The following MAPK10 variants were observed in gnomAD, a reference collection of about 807,000 sequenced individuals.
The protein encoded by MAPK10 is JNK3 alpha protein kinase.
Under a neutral mutation model 59.3 loss-of-function variants are expected in MAPK10, and 25 were observed. The ratio of observed to expected loss-of-function variants is 0.42; its 90% CI spans 0.31 to 0.59. The LOEUF is 0.59. Ranked by LOEUF, MAPK10 falls within the 20% of genes least tolerant of loss-of-function variation. The probability of loss-of-function intolerance (pLI) is 0.15; values close to 1 mark genes in which losing one functional copy is unlikely to be tolerated. For missense variants in MAPK10, 351 were observed against 568.9 expected, an observed-to-expected ratio of 0.62 and a Z score of 3.90; for synonymous variants, 190 against 200.5, an observed-to-expected ratio of 0.95 and a Z score of 0.44.
At chr4:86,030,171 T>G (rs527765731) in intron 12 of MAPK10, among the ~76,000 whole-genome samples, 5 of 152,144 alleles carry the variant, frequency 3.3e-5, no homozygotes, top group Non-Finnish European at 7.4e-5. Flanking sequence ...CTTACTTGGA[T>G]CAAAGCAACT....
chr4:86,219,500 T>C (rs910027991), intron 2 of MAPK10, among the ~76,000 whole-genome samples: 1 of 152,194 alleles, frequency 6.6e-6, no homozygotes, highest in Non-Finnish European at 1.5e-5. Flanking sequence ...ACAATGTCAA[T>C]GTTTTCTTAA....
intron 2 of MAPK10, among the ~76,000 whole-genome samples, chr4:86,307,281 A>G (rs1209284633): frequency 1.3e-5 from 2 of 152,144 alleles, no homozygotes; most frequent in Non-Finnish European, 2.9e-5. Context: ...TAATATGCTA[A>G]AGGCAGATCT....
intron 3 of MAPK10, among the ~76,000 whole-genome samples, chr4:86,187,788 C>CT (rs34369854): frequency 6.6e-6 from 1 of 152,060 alleles, no homozygotes; most frequent in Non-Finnish European, 1.5e-5. Flanking sequence ...AAAACTTATA[C>CT]TTTAAGTTCT....
At position 86,227,284 on chromosome 4, in the gene MAPK10, G is replaced by A. The variant is rs541149455; in HGVS notation, c.-6-32877C>T. ...AGGCAGATCACGAGGTCAGGAGATC[G>A]AGACCATCCTGGCTAACACGGTGAA... On this transcript the variant is annotated intron_variant, in intron 2 of 13. Transcript: ENST00000641462. 2.0e-5 allele frequency among the ~76,000 whole-genome samples: 3 copies of A among 152,084 alleles called. No individual in the cohort carries two copies. In the East Asian group the frequency reaches 5.8e-4, roughly 30 times the overall value.
chr4:86,174,267 C>T (rs2075136925), intron 3 of MAPK10, among the ~76,000 whole-genome samples: 1 of 152,164 alleles, frequency 6.6e-6, no homozygotes, highest in East Asian at 1.9e-4. Context: ...GGCACATATA[C>T]ACCGTGGAAT....
intron 4 of MAPK10, chr4:86,123,959 T>G (rs1175455775): frequency 6.6e-6 from 1 of 152,070 alleles, no homozygotes; most frequent in Non-Finnish European, 1.5e-5. Flanking sequence ...TTAATATATT[T>G]CAATACTAGT....
At chr4:86,364,705 G>A (rs774880672), upstream of MAPK10, among the ~76,000 whole-genome samples, 3 of 152,140 alleles carry the variant, frequency 2.0e-5, no homozygotes, top group Non-Finnish European at 4.4e-5. Flanking sequence ...TCTTGGTCAG[G>A]TGTGGTGTCT....
intron 1 of MAPK10, among the ~76,000 whole-genome samples, chr4:86,369,367 G>A (rs145053466): frequency 1.3e-5 from 2 of 152,220 alleles, no homozygotes; most frequent in African/African-American, 4.8e-5. Flanking sequence ...ACATTTATAT[G>A]AGAAGACTTT....
chr4:86,591,349 G>C (rs1763029869), intron 1 of MAPK10, among the ~76,000 whole-genome samples: 1 of 151,934 alleles, frequency 6.6e-6, no homozygotes, highest in Admixed American at 6.6e-5. Context: ...GAAAGCTCTT[G>C]ATTTTCATAT....
At chr4:86,146,344 A>T (rs1303162208) in intron 4 of MAPK10, among the ~76,000 whole-genome samples, 1 of 152,232 alleles carries the variant, frequency 6.6e-6, no homozygotes, top group East Asian at 1.9e-4. Context: ...TAATGTGATG[A>T]TGCTAATAAT....
chr4:86,445,380 G>A (rs1397080953), intron 1 of MAPK10, among the ~76,000 whole-genome samples: 1 of 152,106 alleles, frequency 6.6e-6, no homozygotes, highest in African/African-American at 2.4e-5. Context: ...GAGAACACAT[G>A]GACACAGGGA....
intron 11 of MAPK10, among the ~76,000 whole-genome samples, chr4:86,059,464 T>C (rs2045292410): frequency 6.6e-6 from 1 of 152,174 alleles, no homozygotes. Flanking sequence ...TGGGCTCATG[T>C]TTCTTAAGTG....
chr4:86,143,039 A>T (rs1023060306), intron 4 of MAPK10, among the ~76,000 whole-genome samples: 5 of 152,198 alleles, frequency 3.3e-5, no homozygotes, highest in African/African-American at 9.7e-5. Context: ...ATTGACTCGC[A>T]GTTCCACATT....
chr4:86,106,029 G>C (rs780597215), intron 5 of MAPK10, among the ~76,000 whole-genome samples: 2 of 152,032 alleles, frequency 1.3e-5, no homozygotes, highest in Non-Finnish European at 2.9e-5. Context: ...CTCCACATGG[G>C]CAGCAATTTG....
intron 2 of MAPK10, among the ~76,000 whole-genome samples, chr4:86,349,185 T>C (rs1729841661): frequency 6.6e-6 from 1 of 152,196 alleles, no homozygotes; most frequent in African/African-American, 2.4e-5. Context: ...GCAAACAACA[T>C]AGGCTATTAC....
At chr4:86,134,704 G>A (rs2061580939) in intron 4 of MAPK10, among the ~76,000 whole-genome samples, 1 of 152,200 alleles carries the variant, frequency 6.6e-6, no homozygotes, top group South Asian at 2.1e-4. Flanking sequence ...AATAGGAACA[G>A]CTCCAGTCTA....
Position 86,089,650 on chromosome 4 carries a change from TTTC to T in MAPK10, c.802+8871_802+8873del, listed in dbSNP as rs201604517. 1,511 of 161,462 alleles carry T rather than the reference TTTC, an allele frequency of 9.4e-3. 26 individuals carry two copies. Among genetic ancestry groups the T allele is most frequent in the African/African-American group, 0.033 (1,365 of 41,946 alleles). 10.0% of individuals were successfully genotyped at this position (161,462 alleles called of 1,614,324 possible). On this transcript the variant is annotated intron_variant, in intron 9 of 13. Coordinates refer to ENST00000641462, the MANE Select transcript of MAPK10 (RefSeq NM_138982.4). ...TAGATAGTGTTAATATGCAAATCAG[TTTC>T]TTTTTTACTCTTGTATACGTATTTG...
At chr4:86,328,139 C>A (rs2096070110) in intron 2 of MAPK10, among the ~76,000 whole-genome samples, 1 of 151,986 alleles carries the variant, frequency 6.6e-6, no homozygotes, top group Admixed American at 6.6e-5. Context: ...AACAGGCTTC[C>A]TTTAACAAAT....
At chr4:86,269,610 T>A (rs1232780760) in intron 2 of MAPK10, among the ~76,000 whole-genome samples, 1 of 152,126 alleles carries the variant, frequency 6.6e-6, no homozygotes, top group Non-Finnish European at 1.5e-5. Context: ...TTAATTCACA[T>A]TATTTTTTCC....
Sources: gnomAD v4.1 joint callset for allele counts (sites outside exome capture counted in the v4.1 genomes callset) on GRCh38, gnomAD v4.1.1 for gene constraint, MANE v1.5 for transcripts, NCBI Gene and HGNC (gene_info 2026-07-23, HGNC 2026-07-21) for gene names.